Variants in MAST4 observed in about 807,000 individuals in gnomAD.
MAST4 encodes microtubule associated serine/threonine kinase family member 4.
A neutral mutation model predicts 162.7 loss-of-function variants in MAST4; 89 were observed. The ratio of observed to expected loss-of-function variants is 0.55; its 90% CI spans 0.46 to 0.65. MAST4 has a LOEUF of 0.65. MAST4 is among the 30% of genes least tolerant of loss of function. MAST4 has a pLI of 0.00. For synonymous variants in MAST4, 1,479 were observed against 1,361.1 expected, an observed-to-expected ratio of 1.09 and a Z score of -1.91; for missense variants, 3,153 against 3,374.0, an observed-to-expected ratio of 0.93 and a Z score of 1.62.
intron 4 of MAST4, among the ~76,000 whole-genome samples, chr5:67,031,482 G>A (rs1755318580): frequency 6.6e-6 from 1 of 152,062 alleles, no homozygotes; most frequent in Non-Finnish European, 1.5e-5. Flanking sequence ...ATTTACAGTG[G>A]TATGCTCCAT....
intron 1 of MAST4, among the ~76,000 whole-genome samples, chr5:66,631,585 T>A (rs1701423781): frequency 6.6e-6 from 1 of 152,078 alleles, no homozygotes; most frequent in Non-Finnish European, 1.5e-5. Context: ...GGTAATACTT[T>A]GTGTGTACAA....
At chr5:66,819,020 A>C (rs1423442133) in intron 3 of MAST4, among the ~76,000 whole-genome samples, 4 of 152,186 alleles carry the variant, frequency 2.6e-5, no homozygotes, top group African/African-American at 9.7e-5. Flanking sequence ...AGACGGAGTT[A>C]ATGTCATAGA....
chr5:66,819,986 G>C lies in MAST4; in HGVS notation c.642+31192G>C, dbSNP rs566094871. ...TTAATTTTTTTTTTTTTTTTGTAGA[G>C]ATGGGGTTTCAAACTTCTTAAACAT... On this transcript the variant is annotated intron_variant, in intron 3 of 28. Coordinates refer to ENST00000403625, the MANE Select transcript of MAST4 (RefSeq NM_001164664.2). Among the ~76,000 whole-genome samples, 54 of 143,760 alleles carry C rather than the reference G, an allele frequency of 3.8e-4. 1 individual carries two copies. In the South Asian group the frequency reaches 4.1e-3, roughly 11 times the overall value. 94.3% of individuals were successfully genotyped at this position (143,760 alleles called of 152,430 possible).
intron 4 of MAST4, among the ~76,000 whole-genome samples, chr5:66,919,576 G>A (rs1429358048): frequency 1.3e-5 from 2 of 149,294 alleles, no homozygotes; most frequent in Non-Finnish European, 3.0e-5. Context: ...CAGGAGAATC[G>A]CTTGAACCCA....
intron 3 of MAST4, among the ~76,000 whole-genome samples, chr5:66,885,919 G>A (rs1762008104): frequency 6.6e-6 from 1 of 152,166 alleles, no homozygotes; most frequent in Non-Finnish European, 1.5e-5. Flanking sequence ...GTATTAGAGT[G>A]CTCAGTGTGT....
chr5:66,602,663 A>AG (rs916359853), intron 1 of MAST4, among the ~76,000 whole-genome samples: 3 of 152,142 alleles, frequency 2.0e-5, no homozygotes, highest in Non-Finnish European at 4.4e-5. Context: ...AGTGGGGGCT[A>AG]GGGGGTGTGC....
chr5:67,042,282 T>TA, intron 4 of MAST4, among the ~76,000 whole-genome samples: 1 of 152,186 alleles, frequency 6.6e-6, no homozygotes, highest in East Asian at 1.9e-4. Context: ...AAAATTCTGT[T>TA]ACCCCACAAA....
At chr5:66,886,592 A>G (rs1478381895) in intron 3 of MAST4, among the ~76,000 whole-genome samples, 2 of 151,456 alleles carry the variant, frequency 1.3e-5, no homozygotes, top group Non-Finnish European at 2.9e-5. Context: ...AGAATCAACT[A>G]TCAGTTTGAT....
At chr5:66,935,677 T>TC (rs910635843) in intron 4 of MAST4, among the ~76,000 whole-genome samples, 7 of 150,970 alleles carry the variant, frequency 4.6e-5, no homozygotes, top group African/African-American at 7.3e-5. Context: ...TTTCTTTCTT[T>TC]TTTTTTTTTT....
intron 1 of MAST4, among the ~76,000 whole-genome samples, chr5:66,607,971 G>A (rs1022389691): frequency 7.3e-5 from 11 of 151,532 alleles, no homozygotes; most frequent in Non-Finnish European, 1.6e-4. Flanking sequence ...TATTTATGGT[G>A]TACAACACGA....
At chr5:66,709,189 C>T (rs1750337846) in intron 1 of MAST4, among the ~76,000 whole-genome samples, 1 of 151,680 alleles carries the variant, frequency 6.6e-6, no homozygotes, top group African/African-American at 2.4e-5. Context: ...TTGCGGATAC[C>T]ACCTAGATTT....
At chr5:66,704,492 CTTTTTTTT>C (rs1172510331) in intron 1 of MAST4, among the ~76,000 whole-genome samples, 3 of 97,354 alleles carry the variant, frequency 3.1e-5, no homozygotes, top group Admixed American at 1.2e-4. Context: ...GCTTGTTGTT[CTTTTTTTT>C]TTTTTTTTTT....
At position 66,596,638 on chromosome 5, in the gene MAST4, T is replaced by G; in HGVS notation, c.-18T>G. ...CGCGCCCCCGCCGCTCGGGAGGCAC[T>G]TTGGGCCAGACAGGGAAATGGGGGA... is the stretch of plus-strand genomic sequence containing the variant. On this transcript the variant is annotated 5_prime_UTR_variant, in exon 1 of 29. Coordinates refer to ENST00000403625, the MANE Select transcript of MAST4 (RefSeq NM_001164664.2). 7.0e-7 allele frequency: 1 copy of G among 1,425,848 alleles called. No individual in the cohort carries two copies. The highest frequency in any genetic ancestry group is 9.1e-7 in the Non-Finnish European group (1 of 1,093,488). 88.3% of individuals were successfully genotyped at this position (1,425,848 alleles called of 1,614,324 possible). A position where few individuals can be genotyped will look rare whatever the true frequency, so the allele number is the denominator to read the frequency against.
chr5:66,960,488 C>A (rs557525052), intron 4 of MAST4, among the ~76,000 whole-genome samples: 1 of 152,236 alleles, frequency 6.6e-6, no homozygotes, highest in Non-Finnish European at 1.5e-5. Flanking sequence ...CCACCCCCAC[C>A]CTAACATTCA....
Position 67,165,841 on chromosome 5 carries a change from C to T in MAST4, c.6662C>T (p.Ala2221Val). ...SLSSQKPSVG[A>V]TKGKEPATQS... is the part of the protein sequence containing the mutation. ...TCCTCTCAGAAACCAAGTGTCGGGGCCACAAAGGGCAAAGAGCCTGCCACT... is the reference window on the plus strand; with the variant it reads ...TCCTCTCAGAAACCAAGTGTCGGGGTCACAAAGGGCAAAGAGCCTGCCACT... Residue 2221 changes from alanine to valine, a missense_variant, in exon 29 of 29, where the codon GCC becomes GTC. By Grantham distance (64) the Ala-to-Val change is moderately conservative. This residue lies in a region of MAST4 where 1,644 missense variants were observed against 1,495.0 expected (regional missense o/e 1.10). Transcript: ENST00000403625. The T allele has an allele frequency of 2.5e-6, 4 of 1,613,082 alleles. No individual in the cohort carries two copies. The highest frequency in any genetic ancestry group is 3.4e-6 in the Non-Finnish European group (4 of 1,179,860).
chr5:67,107,351 T>C (rs1244368248), intron 10 of MAST4, among the ~76,000 whole-genome samples: 1 of 152,256 alleles, frequency 6.6e-6, no homozygotes, highest in East Asian at 1.9e-4. Context: ...TTACTATTTT[T>C]AAAATATTGA....
rs138564320 is a variant in MAST4, at chr5:66,982,345, G to A, written c.675-72059G>A. Among the ~76,000 whole-genome samples the A allele has an allele frequency of 6.5e-3, 988 of 152,296 alleles. 6 individuals are homozygous for A. The highest frequency in any genetic ancestry group is 9.2e-3 in the Non-Finnish European group (627 of 68,020). ...TCGATTCTAATAACAATTTGGTAAA[G>A]TGTCTCACTTGGCATGGAGGGTCAC... On this transcript the variant is annotated intron_variant, in intron 4 of 28. Transcript: ENST00000403625.
intron 12 of MAST4, 177 bp downstream of exon 12, chr5:67,114,396 C>T (rs1219118458): frequency 1.6e-5 from 11 of 670,646 alleles, no homozygotes; most frequent in South Asian, 1.2e-4. Flanking sequence ...TCCTGAGACA[C>T]GAATGAGCAT....
chr5:66,704,475 C>CTCTGTTG (rs1448810753), intron 1 of MAST4, among the ~76,000 whole-genome samples: 1 of 149,454 alleles, frequency 6.7e-6, no homozygotes, highest in Non-Finnish European at 1.5e-5. Context: ...TCTGCATCCT[C>CTCTGTTG]TCTGTTGCTT....
Sources: gnomAD v4.1 joint callset for allele counts (sites outside exome capture counted in the v4.1 genomes callset) on GRCh38, gnomAD v4.1.1 for gene constraint, gnomAD v4.1.1 regional missense constraint, MANE v1.5 for transcripts, NCBI Gene and HGNC (gene_info 2026-07-23, HGNC 2026-07-21) for gene names.